Variants in CNTNAP2 observed in about 807,000 individuals in gnomAD.
CNTNAP2 encodes contactin-associated protein-like 2.
Under a neutral mutation model 155.2 loss-of-function variants are expected in CNTNAP2, and 98 were observed. The ratio of observed to expected loss-of-function variants is 0.63; its 90% CI spans 0.54 to 0.75. CNTNAP2 has a LOEUF of 0.75. CNTNAP2 is among the 30% of genes least tolerant of loss of function. The pLI, the probability that CNTNAP2 is intolerant of heterozygous loss-of-function variation, is 0.00. For synonymous variants in CNTNAP2, 651 were observed against 631.2 expected (o/e 1.03, Z -0.47); for missense variants, 1,727 against 1,688.1 (o/e 1.02, Z -0.40).
intron 14 of CNTNAP2, among the ~76,000 whole-genome samples, chr7:147,915,026 C>T (rs2116769946): frequency 6.6e-6 from 1 of 152,270 alleles, no homozygotes; most frequent in South Asian, 2.1e-4. Context: ...GCCATGAACA[C>T]ATTTAACCTG....
At chr7:148,385,239 C>T (rs189970597) in intron 22 of CNTNAP2, among the ~76,000 whole-genome samples, 1 of 152,306 alleles carries the variant, frequency 6.6e-6, no homozygotes, top group African/African-American at 2.4e-5. Context: ...CTTTGTTCCT[C>T]ACACATGGAT....
intron 1 of CNTNAP2, among the ~76,000 whole-genome samples, chr7:146,566,876 T>G (rs936799693): frequency 5.3e-5 from 8 of 152,136 alleles, no homozygotes; most frequent in African/African-American, 1.7e-4. Flanking sequence ...GTGTTGGAGA[T>G]AACAGCTAAA....
At position 146,774,313 on chromosome 7, in the gene CNTNAP2, C is replaced by T. The variant is rs916375383; in HGVS notation, c.140C>T (p.Ala47Val). 1 of 1,614,000 alleles carries T rather than the reference C, an allele frequency of 6.2e-7. No homozygotes were observed. Among genetic ancestry groups the T allele is most frequent in the Non-Finnish European group, 8.5e-7 (1 of 1,179,970 alleles). ...CTTGTCTCTGGACTCCCCCATGTGG[C>T]TTTCAGCAGCTCCTCCTCCATCTCT... ...EPLVSGLPHV[A>V]FSSSSSISGS... Residue 47 changes from alanine to valine, a missense_variant, in exon 2 of 24, where the codon GCT becomes GTT. Ala to Val is a moderately conservative substitution (Grantham distance 64, BLOSUM62 0). Coordinates refer to ENST00000361727, the MANE Select transcript of CNTNAP2 (RefSeq NM_014141.6).
At chr7:147,592,489 T>TC (rs563550891) in intron 12 of CNTNAP2, among the ~76,000 whole-genome samples, 110 of 151,368 alleles carry the variant, frequency 7.3e-4, no homozygotes, top group Non-Finnish European at 1.3e-3. Flanking sequence ...TTTTTTTTTT[T>TC]TGCAAATGAT....
intron 1 of CNTNAP2, among the ~76,000 whole-genome samples, chr7:146,296,161 A>G (rs922734881): frequency 1.3e-5 from 2 of 152,292 alleles, no homozygotes; most frequent in African/African-American, 4.8e-5. Context: ...GAATTGCTTA[A>G]GCAGATCCTA....
At chr7:146,489,405 C>T (rs141485887) in intron 1 of CNTNAP2, among the ~76,000 whole-genome samples, 1 of 152,254 alleles carries the variant, frequency 6.6e-6, no homozygotes, top group Non-Finnish European at 1.5e-5. Context: ...TCTCTTACTG[C>T]TCTTTTAGTA....
intron 8 of CNTNAP2, among the ~76,000 whole-genome samples, chr7:147,182,333 G>A (rs1260899716): frequency 1.3e-5 from 2 of 151,860 alleles, no homozygotes; most frequent in African/African-American, 2.4e-5. Flanking sequence ...TGGGGTCTTT[G>A]TGTTAATTTG....
intron 1 of CNTNAP2, among the ~76,000 whole-genome samples, chr7:146,523,793 A>G (rs1797649782): frequency 6.6e-6 from 1 of 152,182 alleles, no homozygotes; most frequent in South Asian, 2.1e-4. Context: ...TTTCAATTAA[A>G]TCACCAACAT....
At chr7:146,798,672 A>T (rs975429642) in intron 2 of CNTNAP2, among the ~76,000 whole-genome samples, 1 of 152,180 alleles carries the variant, frequency 6.6e-6, no homozygotes, top group African/African-American at 2.4e-5. Flanking sequence ...ATCAAATGCA[A>T]TTATGACATG....
In CNTNAP2 at chr7:146,535,257, TTA is replaced by T. The variant is rs1797843607; in HGVS notation, c.98-239010_98-239009del. On this transcript the variant is annotated intron_variant, in intron 1 of 23. Transcript: ENST00000361727. Reference sequence around the variant, plus strand: ...TATATCATATATCATATATATGATATTATATCATATATATTATATATTATATT... The same window carrying T: ...TATATCATATATCATATATATGATATTATCATATATATTATATATTATATT... Among the ~76,000 whole-genome samples, 3 of 55,474 alleles carry T rather than the reference TTA, an allele frequency of 5.4e-5. No homozygotes were observed. The South Asian group carries it at 1.6e-3, about 30-fold the overall frequency. The allele number at this position is 55,474 out of a possible 152,430, so 36.4% of individuals were successfully genotyped here. A position where few individuals can be genotyped will look rare whatever the true frequency, so the allele number is the denominator to read the frequency against.
At chr7:148,313,229 C>G (rs1345666401) in intron 21 of CNTNAP2, among the ~76,000 whole-genome samples, 1 of 150,012 alleles carries the variant, frequency 6.7e-6, no homozygotes, top group Non-Finnish European at 1.5e-5. Flanking sequence ...AAGAAGGGGA[C>G]AGACTTGCTC....
chr7:148,013,052 A>T (rs906297760), intron 15 of CNTNAP2: 5 of 152,212 alleles, frequency 3.3e-5, no homozygotes, highest in Non-Finnish European at 7.3e-5. Flanking sequence ...ATGAACAAGG[A>T]GTTGATCATC....
At chr7:147,794,468 T>G (rs1426894503) in intron 13 of CNTNAP2, among the ~76,000 whole-genome samples, 1 of 152,014 alleles carries the variant, frequency 6.6e-6, no homozygotes, top group Non-Finnish European at 1.5e-5. Flanking sequence ...GGTTTTCAGA[T>G]GTTAAACCAA....
At chr7:146,672,103 T>A (rs1800320086) in intron 1 of CNTNAP2, among the ~76,000 whole-genome samples, 2 of 152,076 alleles carry the variant, frequency 1.3e-5, no homozygotes, top group South Asian at 4.1e-4. Context: ...CATGAGCCAC[T>A]ACACCCGGCT....
At chr7:147,153,681 G>A (rs568837918) in intron 8 of CNTNAP2, among the ~76,000 whole-genome samples, 9 of 152,262 alleles carry the variant, frequency 5.9e-5, no homozygotes, top group East Asian at 1.9e-4. Context: ...AGTGAACAGC[G>A]CATGTAAGGC....
intron 15 of CNTNAP2, among the ~76,000 whole-genome samples, chr7:148,107,868 ATTC>A (rs1026163407): frequency 6.6e-6 from 1 of 152,220 alleles, no homozygotes; most frequent in South Asian, 2.1e-4. Flanking sequence ...AGCTATAGAT[ATTC>A]TTCTAGGTGC....
chr7:146,873,022 C>A (rs1795345674), intron 3 of CNTNAP2, among the ~76,000 whole-genome samples: 1 of 152,114 alleles, frequency 6.6e-6, no homozygotes, highest in Non-Finnish European at 1.5e-5. Flanking sequence ...GAAATTGTGC[C>A]AGATCCCTCT....
intron 8 of CNTNAP2, among the ~76,000 whole-genome samples, chr7:147,256,252 G>C (rs559472317): frequency 6.6e-6 from 1 of 152,266 alleles, no homozygotes; most frequent in African/African-American, 2.4e-5. Context: ...TTGTGACCTA[G>C]AGGGAGAAAA....
At chr7:147,482,541 A>T (rs1387710662) in intron 10 of CNTNAP2, among the ~76,000 whole-genome samples, 1 of 151,510 alleles carries the variant, frequency 6.6e-6, no homozygotes, top group African/African-American at 2.4e-5. Context: ...ACACAGTGAA[A>T]CCCCGTCCCT....
Sources: gnomAD v4.1 joint callset for allele counts (sites outside exome capture counted in the v4.1 genomes callset) on GRCh38, gnomAD v4.1.1 for gene constraint, MANE v1.5 for transcripts, NCBI Gene and HGNC (gene_info 2026-07-23, HGNC 2026-07-21) for gene names.